The following NT5DC3 variants were observed in gnomAD, a reference collection of about 807,000 sequenced individuals.
The protein encoded by NT5DC3 is 5'-nucleotidase domain containing 3.
Under a neutral mutation model 67.8 loss-of-function variants are expected in NT5DC3, and 42 were observed. The ratio of observed to expected loss-of-function variants is 0.62; its 90% confidence interval spans 0.48 to 0.80. NT5DC3 has a LOEUF of 0.80. NT5DC3 is among the 30% of genes least tolerant of loss of function. The pLI is 0.00. For missense variants in NT5DC3, 570 were observed against 696.4 expected (o/e 0.82, Z 2.04); for synonymous variants, 237 against 255.6 (o/e 0.93, Z 0.69).
chr12:103,785,209 A>G, intron 12 of NT5DC3, 126 bp downstream of exon 12: 3 of 867,632 alleles, frequency 3.5e-6, no homozygotes, highest in Non-Finnish European at 3.6e-6. Flanking sequence ...CCCAATCGTT[A>G]TTCTACAGTC....
At chr12:103,748,076 T>A in the NT5DC3 span, among the ~76,000 whole-genome samples, 8 of 151,690 alleles carry the variant, frequency 5.3e-5, no homozygotes, top group African/African-American at 1.9e-4. Context: ...CTCAGCCACA[T>A]GTACTTTCTA....
At chr12:103,746,711 C>T in the NT5DC3 span, 7 of 1,612,692 alleles carry the variant, frequency 4.3e-6, no homozygotes, top group African/African-American at 1.3e-5. Flanking sequence ...ACAGGTAAGC[C>T]ACCTTTGTGC....
chr12:103,828,797 C>T (rs1887805177), intron 1 of NT5DC3, among the ~76,000 whole-genome samples: 1 of 149,498 alleles, frequency 6.7e-6, no homozygotes, highest in African/African-American at 2.5e-5. Context: ...CACACAGTTT[C>T]AAGTGATCCT....
chr12:103,814,386 C>G (rs781028369), intron 2 of NT5DC3, among the ~76,000 whole-genome samples: 5 of 152,178 alleles, frequency 3.3e-5, no homozygotes, highest in Non-Finnish European at 5.9e-5. Flanking sequence ...TACGGGCCCA[C>G]AAGACTTCTG....
rs1211643835 is a variant in NT5DC3 at position 103,815,107 on chromosome 12, T to C, written c.223A>G (p.Ile75Val). 4 of 1,610,280 alleles carry C rather than the reference T, an allele frequency of 2.5e-6. No individual in the cohort carries two copies. The highest frequency in any genetic ancestry group is 3.4e-6 in the Non-Finnish European group (4 of 1,177,702). The change falls in exon 2 of 14, where the codon ATT becomes GTT. Residue 75 changes from isoleucine to valine, a missense_variant. This residue lies in a region of NT5DC3 where 466 missense variants were observed against 608.0 expected (regional missense o/e 0.77). Transcript: ENST00000392876. ...TCTGGATTCAACAAGTTGCTCATAA[T>C]GGAAGGAACCAATTCTGGAAATAAA... ...KRSTEELVPSIMSNLLNPDAI... is the reference protein window; with the variant it reads ...KRSTEELVPSVMSNLLNPDAI...
chr12:103,790,582 C>T (rs1195670400), intron 9 of NT5DC3, among the ~76,000 whole-genome samples: 1 of 151,908 alleles, frequency 6.6e-6, no homozygotes, highest in African/African-American at 2.4e-5. Flanking sequence ...GACAGTCTCC[C>T]TATGTAGCCC....
intron 3 of NT5DC3, 87 bp from the exon 4 acceptor site, chr12:103,806,464 A>G: frequency 1.1e-6 from 1 of 934,342 alleles, no homozygotes; most frequent in Non-Finnish European, 1.7e-6. Flanking sequence ...CATATATCCT[A>G]TCAACATTAG....
chr12:103,767,864 C>T (rs776962340), downstream of NT5DC3, among the ~76,000 whole-genome samples: 1 of 151,640 alleles, frequency 6.6e-6, no homozygotes, highest in Non-Finnish European at 1.5e-5. Flanking sequence ...GGACGGATCA[C>T]GAGGTCAGGA....
At chr12:103,819,501 C>A (rs1253967023) in intron 1 of NT5DC3, 1 of 152,184 alleles carries the variant, frequency 6.6e-6, no homozygotes, top group Non-Finnish European at 1.5e-5. Flanking sequence ...CAAGACTATA[C>A]AATCAGTACA....
intron 1 of NT5DC3, among the ~76,000 whole-genome samples, chr12:103,824,761 C>T (rs1318816508): frequency 6.6e-6 from 1 of 152,060 alleles, no homozygotes; most frequent in African/African-American, 2.4e-5. Context: ...CCTTAAATTC[C>T]AGCCCACCCT....
At chr12:103,807,520 G>A (rs1388463502) in intron 2 of NT5DC3, among the ~76,000 whole-genome samples, 2 of 152,160 alleles carry the variant, frequency 1.3e-5, no homozygotes, top group Non-Finnish European at 2.9e-5. Context: ...TCTCTCATCT[G>A]GATAGCTGGC....
intron 3 of NT5DC3, 53 bp from the exon 4 acceptor site, chr12:103,806,430 T>A: frequency 7.8e-7 from 1 of 1,280,294 alleles, no homozygotes; most frequent in Non-Finnish European, 1.1e-6. Flanking sequence ...TATTTGCATA[T>A]TACATGAGCC....
At chr12:103,785,577 A>T (rs1315734757) in intron 11 of NT5DC3, 102 bp from the exon 12 acceptor site, 3 of 1,164,130 alleles carry the variant, frequency 2.6e-6, no homozygotes, top group Non-Finnish European at 3.8e-6. Flanking sequence ...TTACTTTTTG[A>T]TGGTAATGGT....
At chr12:103,837,340 G>T (rs1032291548) in intron 1 of NT5DC3, among the ~76,000 whole-genome samples, 1 of 152,188 alleles carries the variant, frequency 6.6e-6, no homozygotes, top group Non-Finnish European at 1.5e-5. Flanking sequence ...TCTCTGACAT[G>T]GCCTAGAGAC....
chr12:103,753,177 C>G, the NT5DC3 span: 1 of 1,607,846 alleles, frequency 6.2e-7, no homozygotes, highest in Non-Finnish European at 8.5e-7. Context: ...ACACTGCCAA[C>G]CTGGTGGGCT....
chr12:103,809,942 C>T (rs35371470), intron 2 of NT5DC3, among the ~76,000 whole-genome samples: 5 of 152,152 alleles, frequency 3.3e-5, no homozygotes, highest in African/African-American at 9.6e-5. Flanking sequence ...TGGGCAAGGT[C>T]GTCTGTCCCT....
At chr12:103,748,208 G>A in the NT5DC3 span, among the ~76,000 whole-genome samples, 1 of 152,160 alleles carries the variant, frequency 6.6e-6, no homozygotes, top group Non-Finnish European at 1.5e-5. Flanking sequence ...TTCAACAATG[G>A]CAACAAAGAC....
At chr12:103,831,236 T>A (rs953594639) in intron 1 of NT5DC3, among the ~76,000 whole-genome samples, 1 of 152,322 alleles carries the variant, frequency 6.6e-6, no homozygotes, top group East Asian at 1.9e-4. Flanking sequence ...GATGCTTTTA[T>A]AGGCATCTGG....
Position 103,776,894 on chromosome 12 carries a change from T to C in NT5DC3, c.*935A>G, listed in dbSNP as rs1182434855. The C allele has an allele frequency of 2.0e-5, 3 of 152,248 alleles. No homozygotes were observed. The highest frequency in any genetic ancestry group is 4.8e-5 in the African/African-American group (2 of 41,470). The allele number at this position is 152,248 out of a possible 1,614,324, so 9.4% of individuals were successfully genotyped here. A position where few individuals can be genotyped will look rare whatever the true frequency, so the allele number is the denominator to read the frequency against. ...ACTGTTTCTGGTAAATCTCATGTTT[T>C]AACAGGATTCCAATTCAACTGGGTG... On this transcript the variant is annotated 3_prime_UTR_variant, in exon 14 of 14. Coordinates refer to ENST00000392876, the MANE Select transcript of NT5DC3 (RefSeq NM_001031701.3).
Sources: gnomAD v4.1 joint callset for allele counts (sites outside exome capture counted in the v4.1 genomes callset) on GRCh38, gnomAD v4.1.1 for gene constraint, gnomAD v4.1.1 regional missense constraint, MANE v1.5 for transcripts, NCBI Gene and HGNC (gene_info 2026-07-23, HGNC 2026-07-21) for gene names.